Variants in SCO1 observed in about 807,000 individuals in gnomAD.
The protein encoded by SCO1 is cytochrome c oxidase assembly factor SCO1.
Under a neutral mutation model 34.0 loss-of-function variants are expected in SCO1, and 23 were observed. That is an observed-to-expected ratio of 0.68 (90% CI 0.49 to 0.96). The LOEUF (loss-of-function observed/expected upper bound fraction) is 0.96. Ranked by LOEUF, SCO1 falls within the 40% of genes least tolerant of loss-of-function variation. The pLI is 0.00. For synonymous variants in SCO1, 161 were observed against 145.5 expected (o/e 1.11, Z -0.77); for missense variants, 404 against 381.6 (o/e 1.06, Z -0.49).
At chr17:10,687,592 G>A (rs561503405) in intron 4 of SCO1, among the ~76,000 whole-genome samples, 40 of 152,332 alleles carry the variant, frequency 2.6e-4, no homozygotes, top group Admixed American at 7.8e-4. Flanking sequence ...ACATTGTTCA[G>A]ATTCTGAAAA....
At chr17:10,681,294 A>G in intron 5 of SCO1, 41 bp from the exon 6 acceptor site, 4 of 1,607,544 alleles carry the variant, frequency 2.5e-6, no homozygotes, top group Non-Finnish European at 3.4e-6. Context: ...AGATTACCAA[A>G]ATAAGCTGCT....
In SCO1 at chr17:10,674,550, T is replaced by C. The variant is rs1158764394; in HGVS notation, c.*6569A>G. 2 of 176,566 alleles carry C rather than the reference T, an allele frequency of 1.1e-5. No individual in the cohort carries two copies. Among genetic ancestry groups the C allele is most frequent in the Admixed American group, 6.0e-5 (1 of 16,626 alleles). The allele number at this position is 176,566 out of a possible 1,614,324, so 10.9% of individuals were successfully genotyped here. A position where few individuals can be genotyped will look rare whatever the true frequency, so the allele number is the denominator to read the frequency against. On this transcript the variant is annotated 3_prime_UTR_variant, in exon 6 of 6. Transcript: ENST00000255390. Reference sequence around the variant, plus strand: ...GACACTGCCGGACCACAGACTACACTGAGTAGCAAGGCTGTAGAGGGAGTC... The same window carrying C: ...GACACTGCCGGACCACAGACTACACCGAGTAGCAAGGCTGTAGAGGGAGTC...
At chr17:10,694,749 G>C (rs961223483) in intron 2 of SCO1, among the ~76,000 whole-genome samples, 1 of 151,936 alleles carries the variant, frequency 6.6e-6, no homozygotes, top group Non-Finnish European at 1.5e-5. Flanking sequence ...GAATTTTCCC[G>C]CCACAACTTT....
chr17:10,694,453 A>G (rs932527749), intron 2 of SCO1, among the ~76,000 whole-genome samples: 2 of 152,148 alleles, frequency 1.3e-5, no homozygotes, highest in African/African-American at 4.8e-5. Flanking sequence ...CAAACAAATA[A>G]ACAATACCCT....
chr17:10,686,123 T>G (rs1435121615), intron 5 of SCO1, among the ~76,000 whole-genome samples: 1 of 152,126 alleles, frequency 6.6e-6, no homozygotes, highest in Non-Finnish European at 1.5e-5. Context: ...ATGCCTGTAA[T>G]CCCAGCTACG....
At chr17:10,686,920 T>C (rs901347690) in intron 4 of SCO1, 78 bp from the exon 5 acceptor site, 16 of 920,874 alleles carry the variant, frequency 1.7e-5, no homozygotes, top group Admixed American at 1.1e-4. Flanking sequence ...AATGTATCAG[T>C]TGTAAAGCAG....
At chr17:10,694,215 A>G (rs913796867) in intron 2 of SCO1, among the ~76,000 whole-genome samples, 2 of 152,256 alleles carry the variant, frequency 1.3e-5, no homozygotes, top group Admixed American at 6.5e-5. Flanking sequence ...GCTAAGGGGC[A>G]TTCTACAAAA....
rs1308917567 is a variant in SCO1 at position 10,674,088 on chromosome 17, G to C, written c.*7031C>G. ...GTATTGGGGGTTGAGGAGAATCCATGTGCCTAAGACTGAGGTGGGGATCTT... is the reference window on the plus strand; with the variant it reads ...GTATTGGGGGTTGAGGAGAATCCATCTGCCTAAGACTGAGGTGGGGATCTT... On this transcript the variant is annotated 3_prime_UTR_variant, in exon 6 of 6. Coordinates refer to ENST00000255390, the MANE Select transcript of SCO1 (RefSeq NM_004589.4). 1 of 152,262 alleles carries C rather than the reference G, an allele frequency of 6.6e-6. No homozygotes were observed. Among genetic ancestry groups the C allele is most frequent in the African/African-American group, 2.4e-5 (1 of 41,442 alleles). The allele number at this position is 152,262 out of a possible 1,614,324, so 9.4% of individuals were successfully genotyped here.
rs2074603936 is a variant in SCO1, at chr17:10,679,294, T to C, written c.*1825A>G. On this transcript the variant is annotated 3_prime_UTR_variant, in exon 6 of 6. Transcript: ENST00000255390. ...CAGTCATATAGAATTAGGGCCAACC[T>C]AGCAGCCTCATTTTAATTTAACTAT... 6.6e-6 allele frequency: 1 copy of C among 152,204 alleles called. No individual in the cohort carries two copies. 9.4% of individuals were successfully genotyped at this position (152,204 alleles called of 1,614,324 possible).
chr17:10,690,279 T>C (rs1265361189), intron 4 of SCO1, among the ~76,000 whole-genome samples: 1 of 152,030 alleles, frequency 6.6e-6, no homozygotes, highest in Non-Finnish European at 1.5e-5. Flanking sequence ...TGGGAGAAAA[T>C]ATGTGCAAAC....
Position 10,697,495 on chromosome 17 carries a change from C to T in SCO1, c.13G>A (p.Val5Ile), listed in dbSNP as rs1465969635. 7 of 1,613,278 alleles carry T rather than the reference C, an allele frequency of 4.3e-6. No homozygotes were observed. Among genetic ancestry groups the T allele is most frequent in the Non-Finnish European group, 4.2e-6 (5 of 1,179,936 alleles). Residue 5 changes from valine (V) to isoleucine (I), a missense_variant, in exon 1 of 6, where the codon GTC (valine) becomes ATC (isoleucine). Coordinates refer to ENST00000255390, the MANE Select transcript of SCO1 (RefSeq NM_004589.4). Reference sequence around the variant, plus strand: ...CGCATAACTCGTCCGGGTACTAGGACCAGCATCGCCATGAGCCTCGGAGAC... The same window carrying T: ...CGCATAACTCGTCCGGGTACTAGGATCAGCATCGCCATGAGCCTCGGAGAC... MAML[V>I]LVPGRVMRPL...
At chr17:10,683,628 T>C (rs2074635896) in intron 5 of SCO1, among the ~76,000 whole-genome samples, 2 of 152,124 alleles carry the variant, frequency 1.3e-5, no homozygotes, top group South Asian at 2.1e-4. Flanking sequence ...TACCTCATTA[T>C]ACAATTCACA....
Position 10,691,871 on chromosome 17 carries a change from C to T in SCO1, c.655+1G>A. The T allele has an allele frequency of 6.3e-7, 1 of 1,589,240 alleles. No individual in the cohort carries two copies. Among genetic ancestry groups the T allele is most frequent in the East Asian group, 2.2e-5 (1 of 44,734 alleles). On this transcript the variant is annotated splice_donor_variant, in intron 4 of 5. Transcript: ENST00000255390. LOFTEE classifies it high-confidence loss of function. ...ATGTAAAGTATTATTTAAAAAAATA[C>T]CTTTCACATAATTTGCGATGGCTTC...
chr17:10,685,294 C>A (rs1474731236), intron 5 of SCO1, among the ~76,000 whole-genome samples: 1 of 152,056 alleles, frequency 6.6e-6, no homozygotes, highest in Non-Finnish European at 1.5e-5. Context: ...TCTGCCCAAA[C>A]AATATTATAG....
intron 4 of SCO1, among the ~76,000 whole-genome samples, chr17:10,688,166 T>C (rs1462745669): frequency 6.6e-6 from 1 of 152,196 alleles, no homozygotes; most frequent in African/African-American, 2.4e-5. Flanking sequence ...AATTTGGACT[T>C]CATTAAAACT....
rs2074618291 is a variant in SCO1 at position 10,681,029 on chromosome 17, GTA to G, written c.*88_*89del. 16 of 1,429,426 alleles carry G rather than the reference GTA, an allele frequency of 1.1e-5. No individual in the cohort carries two copies. The highest frequency in any genetic ancestry group is 1.2e-5 in the Non-Finnish European group (12 of 1,013,172). 88.5% of individuals were successfully genotyped at this position (1,429,426 alleles called of 1,614,324 possible). A position where few individuals can be genotyped will look rare whatever the true frequency, so the allele number is the denominator to read the frequency against. On this transcript the variant is annotated 3_prime_UTR_variant, in exon 6 of 6. Transcript: ENST00000255390. ...ATGAAGGCCATTCTGTAGAGTGCACGTATATATGTTTATATTTATATAGGCTC... is the reference window on the plus strand; with the variant it reads ...ATGAAGGCCATTCTGTAGAGTGCACGTATATGTTTATATTTATATAGGCTC...
Position 10,673,559 on chromosome 17 carries a change from C to G in SCO1, c.*7560G>C, listed in dbSNP as rs1467399636. On this transcript the variant is annotated 3_prime_UTR_variant, in exon 6 of 6. Transcript: ENST00000255390. The stretch of plus-strand genomic sequence containing the variant: ...CTCTCTGCCCCACTTTCTTCTGTAA[C>G]TAAGACGGCCTTAGCAGAGCCTGGG... 1 of 152,266 alleles carries G rather than the reference C, an allele frequency of 6.6e-6. No individual in the cohort carries two copies. 9.4% of individuals were successfully genotyped at this position (152,266 alleles called of 1,614,324 possible).
intron 5 of SCO1, among the ~76,000 whole-genome samples, chr17:10,684,512 T>C (rs1026724372): frequency 6.6e-6 from 1 of 152,222 alleles, no homozygotes; most frequent in Non-Finnish European, 1.5e-5. Flanking sequence ...GCACTTTGGT[T>C]TCAGCAAAAT....
At chr17:10,696,358 T>C (rs1490979302) in intron 1 of SCO1, among the ~76,000 whole-genome samples, 3 of 152,012 alleles carry the variant, frequency 2.0e-5, no homozygotes, top group Non-Finnish European at 4.4e-5. Flanking sequence ...GGCAGGAGAA[T>C]CGCTTGAACC....
Sources: gnomAD v4.1 joint callset for allele counts (sites outside exome capture counted in the v4.1 genomes callset) on GRCh38, gnomAD v4.1.1 for gene constraint, MANE v1.5 for transcripts, NCBI Gene and HGNC (gene_info 2026-07-23, HGNC 2026-07-21) for gene names.